The following PUM1 variants were observed in gnomAD, a reference collection of about 807,000 sequenced individuals.
The protein encoded by PUM1 is pumilio homolog 1.
PUM1 carries 13 observed loss-of-function variants against 131.8 expected under a neutral mutation model. The ratio of observed to expected loss-of-function variants is 0.10; its 90% CI spans 0.06 to 0.16. The LOEUF is 0.16. Among genes scored for constraint, PUM1 ranks in the 10% least tolerant of loss-of-function variants. The probability of loss-of-function intolerance (pLI) is 1.00; values close to 1 mark genes in which losing one functional copy is unlikely to be tolerated. For synonymous variants in PUM1, 509 were observed against 556.5 expected (o/e 0.91, Z 1.20); for missense variants, 961 against 1,512.4 (o/e 0.64, Z 6.05).
intron 7 of PUM1, among the ~76,000 whole-genome samples, chr1:30,988,436 T>G (rs1335305248): frequency 1.3e-5 from 2 of 152,196 alleles, no homozygotes; most frequent in Non-Finnish European, 2.9e-5. Flanking sequence ...AAGAGAGAAT[T>G]ACTTATTTTG....
intron 20 of PUM1, among the ~76,000 whole-genome samples, chr1:30,940,405 G>A (rs969603118): frequency 5.9e-5 from 9 of 152,320 alleles, no homozygotes; most frequent in African/African-American, 2.2e-4. Context: ...GAGCCTGAGA[G>A]GTGGAGCTTG....
At chr1:30,967,769 C>T (rs368555188) in intron 11 of PUM1, among the ~76,000 whole-genome samples, 10 of 152,300 alleles carry the variant, frequency 6.6e-5, no homozygotes, top group South Asian at 2.1e-4. Context: ...CATAAAAATA[C>T]GCTGACATCT....
intron 1 of PUM1, among the ~76,000 whole-genome samples, chr1:31,062,569 G>C (rs774920367): frequency 1.3e-5 from 2 of 149,230 alleles, no homozygotes; most frequent in African/African-American, 2.5e-5. Flanking sequence ...GCAGTGAGCC[G>C]AGATCAAGGC....
chr1:31,031,390 T>C (rs1396249706), intron 2 of PUM1, among the ~76,000 whole-genome samples: 1 of 152,220 alleles, frequency 6.6e-6, no homozygotes, highest in Non-Finnish European at 1.5e-5. Context: ...AAAAAAAGTA[T>C]GCACTGTGTA....
chr1:30,978,415 C>G (rs561703568), intron 9 of PUM1, among the ~76,000 whole-genome samples: 9 of 152,228 alleles, frequency 5.9e-5, no homozygotes, highest in Non-Finnish European at 1.3e-4. Flanking sequence ...CATTCTCCTA[C>G]GAAGAGCTTT....
intron 1 of PUM1, among the ~76,000 whole-genome samples, chr1:31,063,875 C>G (rs560193674): frequency 4.6e-5 from 7 of 152,122 alleles, no homozygotes; most frequent in Admixed American, 4.6e-4. Context: ...TGAGCAAATA[C>G]CTAAGCAATT....
At chr1:31,031,557 T>A (rs1643432084) in intron 2 of PUM1, among the ~76,000 whole-genome samples, 1 of 152,200 alleles carries the variant, frequency 6.6e-6, no homozygotes, top group Admixed American at 6.5e-5. Context: ...ACTGCCAGGA[T>A]CTTAATCCAA....
At chr1:31,059,767 T>C (rs1644326633) in intron 1 of PUM1, among the ~76,000 whole-genome samples, 190 bp from the exon 2 acceptor site, 2 of 152,062 alleles carry the variant, frequency 1.3e-5, no homozygotes, top group African/African-American at 4.8e-5. Context: ...AACCAACACA[T>C]AGCAATACAG....
intron 3 of PUM1, among the ~76,000 whole-genome samples, chr1:31,009,856 A>G (rs1457405036): frequency 6.6e-6 from 1 of 152,006 alleles, no homozygotes; most frequent in Non-Finnish European, 1.5e-5. Context: ...ATATGTAAAT[A>G]TAGTCTTATC....
intron 2 of PUM1, among the ~76,000 whole-genome samples, chr1:31,029,726 C>G (rs1643349640): frequency 6.6e-6 from 1 of 152,062 alleles, no homozygotes; most frequent in South Asian, 2.1e-4. Context: ...AGGCTCCCAG[C>G]CTGGGGAACA....
rs1638984399 is a variant in PUM1 at position 30,931,832 on chromosome 1, G to A, written c.*1379C>T. On this transcript the variant is annotated 3_prime_UTR_variant, in exon 22 of 22. Coordinates refer to ENST00000426105, the MANE Select transcript of PUM1 (RefSeq NM_001020658.2). The stretch of plus-strand genomic sequence containing the variant: ...CGATTCACACTTTACAAGGTGAGAG[G>A]GGCTCTGATTGTAAGGAAAGCTCGG... The A allele has an allele frequency of 6.6e-6, 1 of 152,480 alleles. No homozygotes were observed. The highest frequency in any genetic ancestry group is 2.4e-5 in the African/African-American group (1 of 41,390). The allele number at this position is 152,480 out of a possible 1,614,324, so 9.4% of individuals were successfully genotyped here.
chr1:30,962,450 T>C (rs1207829335), intron 14 of PUM1, among the ~76,000 whole-genome samples: 1 of 152,212 alleles, frequency 6.6e-6, no homozygotes, highest in Non-Finnish European at 1.5e-5. Flanking sequence ...TCTTACTCTG[T>C]TGCTCAGGCT....
chr1:31,060,841 G>A (rs573776017), intron 1 of PUM1, among the ~76,000 whole-genome samples: 2 of 150,762 alleles, frequency 1.3e-5, no homozygotes, highest in South Asian at 2.1e-4. Flanking sequence ...AGCCAAGATC[G>A]CACCACTGCA....
chr1:31,042,882 A>C (rs913247361), intron 2 of PUM1, among the ~76,000 whole-genome samples: 5 of 152,124 alleles, frequency 3.3e-5, no homozygotes, highest in Non-Finnish European at 5.9e-5. Context: ...ACAGGCATGC[A>C]CCAGATGATT....
At chr1:31,045,143 CT>C (rs796248289) in intron 2 of PUM1, among the ~76,000 whole-genome samples, 2,722 of 138,832 alleles carry the variant, frequency 0.02, 74 homozygotes, top group African/African-American at 0.062. Flanking sequence ...TGTAAAGCTG[CT>C]TTTTTTTTTT....
chr1:31,035,274 T>C (rs1012275216), intron 2 of PUM1, among the ~76,000 whole-genome samples: 1 of 151,834 alleles, frequency 6.6e-6, no homozygotes, highest in East Asian at 1.9e-4. Flanking sequence ...ATGCCTGTAA[T>C]CCCAGCTACT....
Position 30,942,085 on chromosome 1 carries a change from C to T in PUM1, c.3033G>A (p.Val1011=). ...GACAGTGCTCCAGGATTCTCTGAAT[C>T]ACTCGGCAGCCATAAGGATGTGTGG... ...ALSTHPYGCR[V]IQRILEHCLP... The change falls in exon 19 of 22, where the codon GTG becomes GTA. Residue 1011 remains valine, a synonymous_variant. Coordinates refer to ENST00000426105, the MANE Select transcript of PUM1 (RefSeq NM_001020658.2). 6.3e-7 allele frequency: 1 copy of T among 1,590,206 alleles called. No homozygotes were observed. The highest frequency in any genetic ancestry group is 8.6e-7 in the Non-Finnish European group (1 of 1,165,950).
intron 14 of PUM1, among the ~76,000 whole-genome samples, chr1:30,959,834 G>A (rs1180110342): frequency 6.6e-6 from 1 of 151,676 alleles, no homozygotes; most frequent in Non-Finnish European, 1.5e-5. Context: ...GTGAACCCAG[G>A]GGGCAGAGGT....
chr1:30,965,031 C>G, intron 13 of PUM1, 121 bp from the exon 14 acceptor site: 2 of 735,192 alleles, frequency 2.7e-6, no homozygotes, highest in South Asian at 1.7e-5. Context: ...TCAGCAGAGA[C>G]AGCCTAACTG....
Sources: allele counts gnomAD v4.1 joint callset (sites outside exome capture counted in the v4.1 genomes callset), GRCh38; gene constraint gnomAD v4.1.1; transcripts MANE v1.5; gene names NCBI Gene and HGNC (gene_info 2026-07-23, HGNC 2026-07-21).